The following GCN1 variants were observed in gnomAD, a reference collection of about 807,000 sequenced individuals.
The protein encoded by GCN1 is GCN1 activator of EIF2AK4.
Under a neutral mutation model 288.4 loss-of-function variants are expected in GCN1, and 90 were observed. The observed-to-expected ratio is 0.31, with a 90% confidence interval of 0.26 to 0.37. The LOEUF is 0.37. Among genes scored for constraint, GCN1 ranks in the 10% least tolerant of loss-of-function variants. GCN1 has a pLI of 1.00. For synonymous variants in GCN1, 1,386 were observed against 1,420.2 expected (o/e 0.98, Z 0.54); for missense variants, 2,586 against 3,419.9 (o/e 0.76, Z 6.08).
In GCN1 at chr12:120,155,856, A is replaced by G. The variant is rs888429392; in HGVS notation, c.3313-137T>C. 44 of 752,050 alleles carry G rather than the reference A, an allele frequency of 5.9e-5. No homozygotes were observed. Among genetic ancestry groups the G allele is most frequent in the African/African-American group, 1.7e-5 (1 of 57,536 alleles). The allele number at this position is 752,050 out of a possible 1,614,324, so 46.6% of individuals were successfully genotyped here. On this transcript the variant is annotated intron_variant, in intron 28 of 57. Coordinates refer to ENST00000300648, the MANE Select transcript of GCN1 (RefSeq NM_006836.2). The surrounding 1 kb of genome is among the most constrained non-coding windows in gnomAD (Gnocchi z 4.9). The stretch of plus-strand genomic sequence containing the variant: ...TGTGGCTAAAGTTAAATCAATTAAA[A>G]TTAACTCTAAGTAAGTTCCTTAGAG...
intron 51 of GCN1, among the ~76,000 whole-genome samples, chr12:120,135,279 G>T (rs889704224): frequency 6.6e-6 from 1 of 152,120 alleles, no homozygotes; most frequent in African/African-American, 2.4e-5. Context: ...TAAAAATCCA[G>T]TTCAACCCCT....
chr12:120,160,033 G>A lies in GCN1; in HGVS notation c.2551-10C>T. Reference sequence around the variant, plus strand: ...CCAGCTCCCCATCCAGCTGCAAGCAGAGTTGTCCAGAAGGCAGGTCAGCAG... The same window carrying A: ...CCAGCTCCCCATCCAGCTGCAAGCAAAGTTGTCCAGAAGGCAGGTCAGCAG... On this transcript the variant is annotated splice_polypyrimidine_tract_variant and intron_variant, in intron 23 of 57. Coordinates refer to ENST00000300648, the MANE Select transcript of GCN1 (RefSeq NM_006836.2). The A allele has an allele frequency of 6.2e-7, 1 of 1,613,592 alleles. No individual in the cohort carries two copies. The highest frequency in any genetic ancestry group is 1.7e-5 in the Admixed American group (1 of 60,026).
intron 15 of GCN1, among the ~76,000 whole-genome samples, chr12:120,169,345 A>G (rs930038335): frequency 6.7e-6 from 1 of 148,516 alleles, no homozygotes; most frequent in Non-Finnish European, 1.5e-5. Flanking sequence ...GCCACAAAAA[A>G]TAATGAGAAA....
chr12:120,190,226 A>C, intron 2 of GCN1, 72 bp downstream of exon 2: 6 of 226,738 alleles, frequency 2.6e-5, no homozygotes, highest in African/African-American at 1.8e-4. Context: ...CTCTGTCTCA[A>C]AAAAAAAAAA....
Position 120,155,548 on chromosome 12 carries a change from AAG to A in GCN1, c.3440+42_3440+43del. The A allele has an allele frequency of 6.2e-7, 1 of 1,612,594 alleles. No homozygotes were observed. Among genetic ancestry groups the A allele is most frequent in the Non-Finnish European group, 8.5e-7 (1 of 1,178,798 alleles). ...ACTGGGTTCAGTTATTTCCTAAAGG[AAG>A]AGAGGATGCAGCAGGAGAAAGCGAC... On this transcript the variant is annotated intron_variant, in intron 29 of 57. Transcript: ENST00000300648. This position sits in a 1 kb window ranked among gnomAD's most constrained non-coding sequence, Gnocchi z 4.9.
rs747931993 is a variant in GCN1, at chr12:120,127,885, G to A, written c.7980C>T (p.Asp2660=). ...RSLKKLASQA[D]STEQVDDTIL... is the part of the protein sequence containing the mutation. ...TGGTGTCGTCCACCTGCTCCGTGGA[G>A]TCGGCCTGGCTGGCCAGCTTCTTCA... Residue 2660 remains aspartate, a synonymous_variant, in exon 58 of 58, where the codon GAC becomes GAT. Coordinates refer to ENST00000300648, the MANE Select transcript of GCN1 (RefSeq NM_006836.2). 1.7e-5 allele frequency: 28 copies of A among 1,613,964 alleles called. No homozygotes were observed. Among genetic ancestry groups the A allele is most frequent in the Non-Finnish European group, 2.1e-5 (25 of 1,179,888 alleles).
At chr12:120,133,609 G>A (rs1876901742) in intron 53 of GCN1, among the ~76,000 whole-genome samples, 1 of 152,144 alleles carries the variant, frequency 6.6e-6, no homozygotes, top group Non-Finnish European at 1.5e-5. Context: ...GCACCTCTGG[G>A]ATAGGCCCTT....
intron 57 of GCN1, among the ~76,000 whole-genome samples, 199 bp from the exon 58 acceptor site, chr12:120,128,173 T>A (rs1566294452): frequency 6.6e-6 from 1 of 152,224 alleles, no homozygotes; most frequent in Non-Finnish European, 1.5e-5. Flanking sequence ...CCCTTTTTCT[T>A]AGAAACAGAG....
At chr12:120,178,550 C>A in intron 7 of GCN1, 75 bp downstream of exon 7, 1 of 1,476,302 alleles carries the variant, frequency 6.8e-7, no homozygotes. Flanking sequence ...AAAGCAGGTT[C>A]CCATTCCTTC....
Position 120,170,316 on chromosome 12 carries a change from T to A in GCN1, c.1372A>T (p.Thr458Ser), listed in dbSNP as rs745457910. Residue 458 changes from threonine (T) to serine (S), a missense_variant, in exon 15 of 58, where the codon ACG becomes TCG. Physicochemically the swap from Thr to Ser is moderately conservative, Grantham distance 58 (BLOSUM62 1). Transcript: ENST00000300648. ...AGTAAGTCCAGGGCCTGCAACAGCG[T>A]GTCACCTGTGGAGAGAGGACAAGCA... is the stretch of plus-strand genomic sequence containing the variant. Reference protein sequence around the residue: ...QCMLASYRGDTLLQALDLLPL... With the variant: ...QCMLASYRGDSLLQALDLLPL... The A allele has an allele frequency of 6.2e-7, 1 of 1,614,004 alleles. No individual in the cohort carries two copies. Among genetic ancestry groups the A allele is most frequent in the Non-Finnish European group, 8.5e-7 (1 of 1,179,858 alleles).
chr12:120,194,681 TGCGTGTCC>T lies in GCN1; in HGVS notation c.9_16del (p.Asp4GlyfsTer26), dbSNP rs1257659226. 6.6e-7 allele frequency: 1 copy of T among 1,513,342 alleles called. No homozygotes were observed. Among genetic ancestry groups the T allele is most frequent in the African/African-American group, 1.4e-5 (1 of 69,576 alleles). 93.7% of individuals were successfully genotyped at this position (1,513,342 alleles called of 1,614,324 possible). On this transcript the variant is annotated frameshift_variant and splice_region_variant, in exon 1 of 58. Coordinates refer to ENST00000300648, the MANE Select transcript of GCN1 (RefSeq NM_006836.2). LOFTEE classifies it high-confidence loss of function. Reference sequence around the variant, plus strand: ...TGGCCCCGCAGCCGCCCGCCTCACCTGCGTGTCCGCCGCCATCCTGCCGGGGCTGACTC... The same window carrying T: ...TGGCCCCGCAGCCGCCCGCCTCACCTGCCGCCATCCTGCCGGGGCTGACTC...
chr12:120,128,020 C>G (rs759088133), intron 57 of GCN1, 46 bp from the exon 58 acceptor site: 17 of 1,597,472 alleles, frequency 1.1e-5, no homozygotes, highest in Non-Finnish European at 1.4e-5. Flanking sequence ...GAACATACGG[C>G]TGCCACGTTC....
Position 120,153,595 on chromosome 12 carries a change from G to A in GCN1, c.3867+149C>T, listed in dbSNP as rs1877640446. Reference sequence around the variant, plus strand: ...TAAAAGAATTTAACACACTATCATGGTCTTTTTGGCTCAAAGTGCTCTGCC... The same window carrying A: ...TAAAAGAATTTAACACACTATCATGATCTTTTTGGCTCAAAGTGCTCTGCC... On this transcript the variant is annotated intron_variant, in intron 32 of 57. Transcript: ENST00000300648. The surrounding 1 kb of genome is among the most constrained non-coding windows in gnomAD (Gnocchi z 4.4). The A allele has an allele frequency of 2.3e-6, 2 of 882,100 alleles. No homozygotes were observed. The highest frequency in any genetic ancestry group is 3.5e-6 in the Non-Finnish European group (2 of 568,318). The allele number at this position is 882,100 out of a possible 1,614,324, so 54.6% of individuals were successfully genotyped here. A position where few individuals can be genotyped will look rare whatever the true frequency, so the allele number is the denominator to read the frequency against.
Position 120,191,851 on chromosome 12 carries a change from A to G in GCN1, c.19-1451T>C, listed in dbSNP as rs138251685. On this transcript the variant is annotated intron_variant, in intron 1 of 57. Transcript: ENST00000300648. ...TTTGGGTAGTTACCTCCATATATCTAAGTATCTCTAAATATGGAGGTAACT... is the reference window on the plus strand; with the variant it reads ...TTTGGGTAGTTACCTCCATATATCTGAGTATCTCTAAATATGGAGGTAACT... 3.7e-3 allele frequency among the ~76,000 whole-genome samples: 560 copies of G among 152,218 alleles called. 4 individuals are homozygous for G. The highest frequency in any genetic ancestry group is 0.013 in the African/African-American group (543 of 41,542).
rs1213452285 is a variant in GCN1 at position 120,178,918 on chromosome 12, C to T, written c.459G>A (p.Val153=). The stretch of plus-strand genomic sequence containing the variant: ...CGGCGTGCTTGTGGGAGCCACCCAG[C>T]ACCTCCAGCAAGAGCAGGCACTGCA... ...VEVQCLLLLE[V]LGGSHKHAVD... is the part of the protein sequence containing the mutation. Residue 153 remains valine (V), a synonymous_variant, in exon 6 of 58, where the codon GTG becomes GTA. Coordinates refer to ENST00000300648, the MANE Select transcript of GCN1 (RefSeq NM_006836.2). 1 of 1,613,902 alleles carries T rather than the reference C, an allele frequency of 6.2e-7. No individual in the cohort carries two copies. Among genetic ancestry groups the T allele is most frequent in the Non-Finnish European group, 8.5e-7 (1 of 1,179,988 alleles).
Position 120,170,292 on chromosome 12 carries a change from G to T in GCN1, c.1396C>A (p.Leu466Met). 6.2e-7 allele frequency: 1 copy of T among 1,614,188 alleles called. No homozygotes were observed. The highest frequency in any genetic ancestry group is 1.1e-5 in the South Asian group (1 of 91,082). Residue 466 changes from leucine (L) to methionine (M), a missense_variant, in exon 15 of 58, where the codon CTG (leucine) becomes ATG (methionine). By Grantham distance (15) the Leu-to-Met change is conservative (BLOSUM62 2). This residue lies in a region of GCN1 where 913 missense variants were observed against 1,107.0 expected (regional missense o/e 0.82). Coordinates refer to ENST00000300648, the MANE Select transcript of GCN1 (RefSeq NM_006836.2). The stretch of plus-strand genomic sequence containing the variant: ...TCCACTGTCTGGATGAGCAAGGGCA[G>T]TAAGTCCAGGGCCTGCAACAGCGTG... ...GDTLLQALDL[L>M]PLLIQTVEKA...
At position 120,138,024 on chromosome 12, in the gene GCN1, G is replaced by A. The variant is rs767086887; in HGVS notation, c.6270C>T (p.Asn2090=). 7 of 1,613,644 alleles carry A rather than the reference G, an allele frequency of 4.3e-6. No individual in the cohort carries two copies. The highest frequency in any genetic ancestry group is 1.1e-5 in the South Asian group (1 of 91,018). ...LVPKLTTPPV[N]TRVLAFLSSV... is the part of the protein sequence containing the mutation. The stretch of plus-strand genomic sequence containing the variant: ...ACGAAAGGAAAGCCAGCACCCGGGT[G>A]TTGACAGGTGGCGTTGTCAGCTGGT... Residue 2090 remains asparagine (N), a synonymous_variant, in exon 48 of 58, where the codon AAC becomes AAT. Coordinates refer to ENST00000300648, the MANE Select transcript of GCN1 (RefSeq NM_006836.2).
At chr12:120,151,751 A>G (rs1263322713) in intron 33 of GCN1, among the ~76,000 whole-genome samples, 1 of 152,162 alleles carries the variant, frequency 6.6e-6, no homozygotes, top group Non-Finnish European at 1.5e-5. Flanking sequence ...GCCTCCATAA[A>G]AACAGCCCGT....
chr12:120,177,546 C>T lies in GCN1; in HGVS notation c.739G>A (p.Ala247Thr), dbSNP rs775512721. The change falls in exon 9 of 58, where the codon GCC becomes ACC. Residue 247 changes from alanine to threonine, a missense_variant. Transcript: ENST00000300648. ...TGGGACAGGTATCGGAGCAGAGGGG[C>T]ACAGCTATCCTACAAAGAAAAAGGA... Reference protein sequence around the residue: ...KPPKYLLDSCAPLLRYLSHSE... With the variant: ...KPPKYLLDSCTPLLRYLSHSE... 40 of 1,606,638 alleles carry T rather than the reference C, an allele frequency of 2.5e-5. No individual in the cohort carries two copies. The highest frequency in any genetic ancestry group is 1.0e-4 in the Admixed American group (6 of 59,972).
Sources: gnomAD v4.1 joint callset for allele counts (sites outside exome capture counted in the v4.1 genomes callset) on GRCh38, gnomAD v4.1.1 for gene constraint, gnomAD v4.1.1 regional missense constraint, Gnocchi (gnomAD v3.1) non-coding constraint, MANE v1.5 for transcripts, NCBI Gene and HGNC (gene_info 2026-07-23, HGNC 2026-07-21) for gene names.